RASEF: variants seen among roughly 807,000 people sequenced by gnomAD.
RASEF encodes ras and EF-hand domain-containing protein.
RASEF carries 68 observed loss-of-function variants against 90.1 expected under a neutral mutation model. That is an observed-to-expected ratio of 0.75 (90% confidence interval 0.62 to 0.92). RASEF has a LOEUF of 0.92. Ranked by LOEUF, RASEF falls within the 40% of genes least tolerant of loss-of-function variation. The pLI, the probability that RASEF is intolerant of heterozygous loss-of-function variation, is 0.00. For missense variants in RASEF, 949 were observed against 937.2 expected, an observed-to-expected ratio of 1.01 and a Z score of -0.16; for synonymous variants, 331 against 345.2, an observed-to-expected ratio of 0.96 and a Z score of 0.46.
chr9:83,054,577 G>C (rs1421529830), intron 1 of RASEF: 4 of 149,910 alleles, frequency 2.7e-5, no homozygotes, highest in Non-Finnish European at 2.9e-5. Flanking sequence ...GCTTTGTTCT[G>C]TTGCTGGTGA....
At chr9:83,157,653 A>T in the RASEF span, among the ~76,000 whole-genome samples, 54,750 of 152,064 alleles carry the variant, frequency 0.36, 10,061 homozygotes, top group Middle Eastern at 0.43. Context: ...AAGTTTTCTC[A>T]TTTTGCTGCA....
chr9:83,001,984 A>G (rs538734666), intron 9 of RASEF, among the ~76,000 whole-genome samples: 2 of 152,238 alleles, frequency 1.3e-5, no homozygotes, highest in Non-Finnish European at 2.9e-5. Flanking sequence ...TGAAGATTTT[A>G]TAAGTGAGGG....
rs556319630 is a variant in RASEF at position 83,019,879 on chromosome 9, G to A, written c.669+2457C>T. Among the ~76,000 whole-genome samples the A allele has an allele frequency of 2.0e-5, 3 of 152,266 alleles. No homozygotes were observed. In the South Asian group the frequency reaches 6.2e-4, roughly 32 times the overall value. On this transcript the variant is annotated intron_variant, in intron 3 of 16. Coordinates refer to ENST00000376447, the MANE Select transcript of RASEF (RefSeq NM_152573.4). ...TCTGAAAACTTCAAACTAATCTACAGCGACAGAAAATAGAACAATGATTAT... is the reference window on the plus strand; with the variant it reads ...TCTGAAAACTTCAAACTAATCTACAACGACAGAAAATAGAACAATGATTAT...
intron 16 of RASEF, among the ~76,000 whole-genome samples, chr9:82,986,539 C>A (rs1039006350): frequency 4.6e-5 from 7 of 152,160 alleles, no homozygotes; most frequent in African/African-American, 1.4e-4. Context: ...TTTCATCTGG[C>A]CTTCAGCCAA....
chr9:83,100,876 T>C, the RASEF span, among the ~76,000 whole-genome samples: 1 of 152,200 alleles, frequency 6.6e-6, no homozygotes, highest in Non-Finnish European at 1.5e-5. Context: ...CTTATGTTTT[T>C]CATAGTTTTA....
At chr9:83,159,982 T>G in the RASEF span, among the ~76,000 whole-genome samples, 1 of 152,248 alleles carries the variant, frequency 6.6e-6, no homozygotes. Context: ...CCAAGTGAGA[T>G]GTGCCTTTCA....
chr9:83,071,417 G>GT, the RASEF span, among the ~76,000 whole-genome samples: 3 of 151,628 alleles, frequency 2.0e-5, no homozygotes, highest in Non-Finnish European at 4.4e-5. Flanking sequence ...CTGTTTTTTT[G>GT]TTTTTTGAGA....
chr9:83,152,195 T>C, the RASEF span, among the ~76,000 whole-genome samples: 2 of 152,164 alleles, frequency 1.3e-5, no homozygotes, highest in Non-Finnish European at 2.9e-5. Flanking sequence ...TTGGAATCAA[T>C]TACCTAAATC....
the RASEF span, among the ~76,000 whole-genome samples, chr9:83,157,626 G>A: frequency 1.3e-5 from 2 of 152,160 alleles, no homozygotes; most frequent in Non-Finnish European, 2.9e-5. Flanking sequence ...CACAACAGAA[G>A]ACAGACTAAG....
At chr9:83,153,157 G>A in the RASEF span, among the ~76,000 whole-genome samples, 1 of 151,984 alleles carries the variant, frequency 6.6e-6, no homozygotes, top group Non-Finnish European at 1.5e-5. Context: ...AGTTTAGCTG[G>A]TCCCATCGAT....
chr9:83,056,832 A>G (rs1032171775), intron 1 of RASEF, among the ~76,000 whole-genome samples: 2 of 152,200 alleles, frequency 1.3e-5, no homozygotes, highest in Non-Finnish European at 2.9e-5. Context: ...GACAGAATAA[A>G]TCATCTTTCT....
chr9:83,145,370 C>A, the RASEF span, among the ~76,000 whole-genome samples: 2 of 151,990 alleles, frequency 1.3e-5, no homozygotes, highest in Middle Eastern at 6.3e-3. Context: ...TAATTTCAGT[C>A]TTATATTTTT....
chr9:83,094,007 C>T, the RASEF span, among the ~76,000 whole-genome samples: 7 of 152,042 alleles, frequency 4.6e-5, no homozygotes, highest in Admixed American at 1.3e-4. Flanking sequence ...CAAGACTTCT[C>T]GGTGATTTTG....
At chr9:83,192,028 T>C in the RASEF span, among the ~76,000 whole-genome samples, 106 of 152,292 alleles carry the variant, frequency 7.0e-4, 1 homozygote, top group African/African-American at 2.5e-3. Context: ...CCAGTCAGAA[T>C]GGCCATTATT....
At chr9:83,048,850 T>C (rs1829981591) in intron 1 of RASEF, 1 of 774,084 alleles carries the variant, frequency 1.3e-6, no homozygotes, top group Non-Finnish European at 1.6e-6. Flanking sequence ...CCTGTGAGGC[T>C]GTGTGCAGTG....
chr9:83,218,284 T>C, the RASEF span, among the ~76,000 whole-genome samples: 2 of 152,096 alleles, frequency 1.3e-5, no homozygotes, highest in Non-Finnish European at 2.9e-5. Flanking sequence ...TTCTACAAAA[T>C]GGAGATAGTA....
the RASEF span, among the ~76,000 whole-genome samples, chr9:83,216,588 A>T: frequency 1.3e-5 from 2 of 152,178 alleles, no homozygotes; most frequent in African/African-American, 4.8e-5. Context: ...TCCACGCAGA[A>T]GTTTGCTGGA....
At chr9:83,039,090 A>G (rs906196669) in intron 1 of RASEF, among the ~76,000 whole-genome samples, 7 of 152,222 alleles carry the variant, frequency 4.6e-5, no homozygotes, top group Middle Eastern at 3.4e-3. Context: ...CTCCCTTTTC[A>G]AAGTATATTT....
the RASEF span, among the ~76,000 whole-genome samples, chr9:83,144,379 GAAAGAAAGAAAGGAAA>G: frequency 1.7e-4 from 4 of 23,682 alleles, no homozygotes; most frequent in South Asian, 3.6e-3. Context: ...AAGAAAGAAA[GAAAGAAAGAAAGGAAA>G]GAAAGAAAGA....
Sources: allele counts gnomAD v4.1 joint callset (sites outside exome capture counted in the v4.1 genomes callset), GRCh38; gene constraint gnomAD v4.1.1; transcripts MANE v1.5; gene names NCBI Gene and HGNC (gene_info 2026-07-23, HGNC 2026-07-21).